TECPR1: variants seen among roughly 807,000 people sequenced by gnomAD.
TECPR1 encodes tectonin beta-propeller repeat containing 1.
A neutral mutation model predicts 162.4 loss-of-function variants in TECPR1; 122 were observed. The observed-to-expected ratio is 0.75, with a 90% CI of 0.65 to 0.87. The LOEUF (loss-of-function observed/expected upper bound fraction) is 0.87, where lower values mean the gene tolerates loss of function less well. Among genes scored for constraint, TECPR1 ranks in the 40% least tolerant of loss-of-function variants. TECPR1 has a pLI of 0.00. For missense variants in TECPR1, 1,432 were observed against 1,618.2 expected (o/e 0.88, Z 1.97); for synonymous variants, 642 against 670.6 (o/e 0.96, Z 0.66).
In TECPR1 at chr7:98,241,963, G is replaced by A. The variant is rs112539479; in HGVS notation, c.658-719C>T. On this transcript the variant is annotated intron_variant, in intron 6 of 25. Transcript: ENST00000447648. This position sits in a 1 kb window ranked among gnomAD's most constrained non-coding sequence, Gnocchi z 5.0. Reference sequence around the variant, plus strand: ...GTGCAGGCAGCACCAGCTCACGGCCGACATTCCAGGACACAAACGCTGCTC... The same window carrying A: ...GTGCAGGCAGCACCAGCTCACGGCCAACATTCCAGGACACAAACGCTGCTC... Among the ~76,000 whole-genome samples the A allele has an allele frequency of 3.3e-5, 5 of 152,186 alleles. No homozygotes were observed. Among genetic ancestry groups the A allele is most frequent in the Admixed American group, 1.3e-4 (2 of 15,290 alleles).
chr7:98,234,343 C>T (rs891120295), intron 10 of TECPR1, among the ~76,000 whole-genome samples: 1 of 152,092 alleles, frequency 6.6e-6, no homozygotes, highest in South Asian at 2.1e-4. Flanking sequence ...TTAGTAGAGA[C>T]GGGGTTTCAC....
Position 98,232,803 on chromosome 7 carries a change from A to C in TECPR1, c.1818+24T>G. 1 of 1,520,328 alleles carries C rather than the reference A, an allele frequency of 6.6e-7. No homozygotes were observed. The highest frequency in any genetic ancestry group is 8.8e-7 in the Non-Finnish European group (1 of 1,138,136). The allele number at this position is 1,520,328 out of a possible 1,614,324, so 94.2% of individuals were successfully genotyped here. A position where few individuals can be genotyped will look rare whatever the true frequency, so the allele number is the denominator to read the frequency against. Reference sequence around the variant, plus strand: ...ATTGCTGGAAAAAAAAAAAAAATGCATGCGCAGCCACCGGGGCACCCACCT... The same window carrying C: ...ATTGCTGGAAAAAAAAAAAAAATGCCTGCGCAGCCACCGGGGCACCCACCT... On this transcript the variant is annotated intron_variant, in intron 12 of 25. Transcript: ENST00000447648. This position sits in a 1 kb window ranked among gnomAD's most constrained non-coding sequence, Gnocchi z 4.6.
intron 3 of TECPR1, among the ~76,000 whole-genome samples, chr7:98,245,307 C>T (rs909512335): frequency 9.2e-5 from 14 of 152,360 alleles, no homozygotes; most frequent in Non-Finnish European, 1.6e-4. Context: ...TCCTGCCAGC[C>T]ACGGCGCTGT....
intron 21 of TECPR1, chr7:98,222,729 C>T (rs1185458803): frequency 1.2e-5 from 10 of 800,184 alleles, no homozygotes; most frequent in Middle Eastern, 3.0e-4. Context: ...AAAGCGCCCC[C>T]GTGGGCGTGT....
At position 98,245,049 on chromosome 7, in the gene TECPR1, C is replaced by T. The variant is rs201930546; in HGVS notation, c.244G>A (p.Gly82Ser). 2.6e-5 allele frequency: 42 copies of T among 1,592,398 alleles called. No homozygotes were observed. The highest frequency in any genetic ancestry group is 1.6e-4 in the African/African-American group (12 of 74,408). Reference sequence around the variant, plus strand: ...CTCAGCAGGAGCTTCTCACAGAAGCCGCCCATGGGATTCCAGCGCTGAGGG... The same window carrying T: ...CTCAGCAGGAGCTTCTCACAGAAGCTGCCCATGGGATTCCAGCGCTGAGGG... ...YENQRWNPMG[G>S]FCEKLLLSDR... Residue 82 changes from glycine to serine, a missense_variant, in exon 4 of 26, where the codon GGC (glycine) becomes AGC (serine). Gly to Ser is a moderately conservative substitution (Grantham distance 56). Coordinates refer to ENST00000447648, the MANE Select transcript of TECPR1 (RefSeq NM_015395.3).
Position 98,233,791 on chromosome 7 carries a change from T to C in TECPR1, c.1302A>G (p.Leu434=), listed in dbSNP as rs141227683. ...TCCCTGTGGCATTCTTGGAATCGTC[T>C]AGAGGTTCTGCAGGGAGAATCTGGC... is the stretch of plus-strand genomic sequence containing the variant. ...GPGQILPAEP[L]DDSKNATGNS... The change falls in exon 11 of 26, where the codon CTA becomes CTG. Residue 434 remains leucine (L), a synonymous_variant. Coordinates refer to ENST00000447648, the MANE Select transcript of TECPR1 (RefSeq NM_015395.3). 186 of 1,611,294 alleles carry C rather than the reference T, an allele frequency of 1.2e-4. 1 individual carries two copies. The African/African-American group carries it at 2.0e-3, about 18-fold the overall frequency.
chr7:98,238,531 AC>A lies in TECPR1; in HGVS notation c.1012del (p.Val338Ter). 1 of 1,568,952 alleles carries A rather than the reference AC, an allele frequency of 6.4e-7. No homozygotes were observed. The highest frequency in any genetic ancestry group is 8.6e-7 in the Non-Finnish European group (1 of 1,157,136). On this transcript the variant is annotated frameshift_variant, in exon 9 of 26. Coordinates refer to ENST00000447648, the MANE Select transcript of TECPR1 (RefSeq NM_015395.3). LOFTEE classifies it high-confidence loss of function. ...CACCTGGTCGTTCATTCCCACGTTC[AC>A]CATCGTCATCTCACCAACCATCTCA... is the stretch of plus-strand genomic sequence containing the variant. ...WIEMVGEMTM[V>X]NVGMNDQVWG...
chr7:98,236,351 A>C (rs1798600169), intron 10 of TECPR1, among the ~76,000 whole-genome samples: 1 of 152,188 alleles, frequency 6.6e-6, no homozygotes, highest in South Asian at 2.1e-4. Context: ...CAGGCTGGGC[A>C]GAGACCCTCT....
rs567278006 is a variant in TECPR1, at chr7:98,235,622, G to T, written c.1181+1154C>A. Among the ~76,000 whole-genome samples the T allele has an allele frequency of 2.7e-5, 4 of 150,864 alleles. No individual in the cohort carries two copies. The East Asian group carries it at 7.8e-4, about 29-fold the overall frequency. On this transcript the variant is annotated intron_variant, in intron 10 of 25. Transcript: ENST00000447648. ...GACAGAGGTGGGAGGGTCACTTGAGGTTAGGAGTTCAAGCCTAGCCAACAT... is the reference window on the plus strand; with the variant it reads ...GACAGAGGTGGGAGGGTCACTTGAGTTTAGGAGTTCAAGCCTAGCCAACAT...
intron 16 of TECPR1, 155 bp downstream of exon 16, chr7:98,228,884 G>C: frequency 1.8e-6 from 2 of 1,127,258 alleles, no homozygotes; most frequent in Non-Finnish European, 2.5e-6. Context: ...ACCATCCTGG[G>C]TGGAGGCTGG....
In TECPR1 at chr7:98,217,499, C is replaced by T. The variant is rs749805977; in HGVS notation, c.3389G>A (p.Gly1130Asp). Residue 1130 changes from glycine to aspartate, a missense_variant, in exon 26 of 26, where the codon GGC becomes GAC. Physicochemically the swap from Gly to Asp is moderately conservative, Grantham distance 94 (BLOSUM62 -1). Coordinates refer to ENST00000447648, the MANE Select transcript of TECPR1 (RefSeq NM_015395.3). ...GHGWDYGIGG[G>D]WDHISVRANA... ...GGCCCGGACAGAGATATGGTCCCAG[C>T]CTCCCTGGAAGGAGAGAGCTGTGTC... is the stretch of plus-strand genomic sequence containing the variant. 1 of 1,603,076 alleles carries T rather than the reference C, an allele frequency of 6.2e-7. No homozygotes were observed. The highest frequency in any genetic ancestry group is 1.1e-5 in the South Asian group (1 of 89,200).
rs745680159 is a variant in TECPR1 at position 98,231,855 on chromosome 7, GCCGTCGTGC to G, written c.1914_1922del (p.His639_Gly641del). On this transcript the variant is annotated inframe_deletion, in exon 13 of 26. Transcript: ENST00000447648. ...AGATGAAGAGGATGCTGTCCCGGACGCCGTCGTGCCCCGTGAACTGCTCCAGGGCCAAGC... is the reference window on the plus strand; with the variant it reads ...AGATGAAGAGGATGCTGTCCCGGACGCCCGTGAACTGCTCCAGGGCCAAGC... 1 of 1,612,726 alleles carries G rather than the reference GCCGTCGTGC, an allele frequency of 6.2e-7. No individual in the cohort carries two copies. The highest frequency in any genetic ancestry group is 8.5e-7 in the Non-Finnish European group (1 of 1,179,778).
At chr7:98,247,928 G>A (rs1437167141) in intron 2 of TECPR1, among the ~76,000 whole-genome samples, 1 of 152,078 alleles carries the variant, frequency 6.6e-6, no homozygotes, top group Non-Finnish European at 1.5e-5. Flanking sequence ...GTCTCGCTAT[G>A]TTGCCCAGGC....
chr7:98,236,694 G>A, intron 10 of TECPR1, 82 bp downstream of exon 10: 4 of 1,517,384 alleles, frequency 2.6e-6, no homozygotes, highest in East Asian at 2.5e-5. Context: ...GGGGCAGGTG[G>A]CAGCCTCTTC....
At position 98,232,735 on chromosome 7, in the gene TECPR1, CTGTT is replaced by C; in HGVS notation, c.1818+88_1818+91del. On this transcript the variant is annotated intron_variant, in intron 12 of 25. Transcript: ENST00000447648. The surrounding 1 kb of genome is among the most constrained non-coding windows in gnomAD (Gnocchi z 4.6). ...GAGACCAGGGGATGGAGGCATCTAT[CTGTT>C]TCTCTCAGAGCTGGTACACAGCAGG... is the stretch of plus-strand genomic sequence containing the variant. The C allele has an allele frequency of 7.1e-7, 1 of 1,414,712 alleles. No individual in the cohort carries two copies. Among genetic ancestry groups the C allele is most frequent in the Non-Finnish European group, 9.3e-7 (1 of 1,073,704 alleles). 87.6% of individuals were successfully genotyped at this position (1,414,712 alleles called of 1,614,324 possible).
intron 24 of TECPR1, 35 bp downstream of exon 24, chr7:98,217,901 A>T: frequency 6.5e-7 from 1 of 1,547,452 alleles, no homozygotes; most frequent in Non-Finnish European, 8.7e-7. Flanking sequence ...GAACCAGAGC[A>T]CCCCAAGTGC....
At position 98,223,698 on chromosome 7, in the gene TECPR1, G is replaced by A. The variant is rs567756951; in HGVS notation, c.2711C>T (p.Thr904Met). Residue 904 changes from threonine to methionine, a missense_variant, in exon 20 of 26, where the codon ACG (threonine) becomes ATG (methionine). Coordinates refer to ENST00000447648, the MANE Select transcript of TECPR1 (RefSeq NM_015395.3). ...DFPASYHGSK[T>M]MKDFVRRRCW... Reference sequence around the variant, plus strand: ...CCTCCTCCTCACAAAATCCTTCATCGTTTTGGACCCATGGTATGAGCTGCA... The same window carrying A: ...CCTCCTCCTCACAAAATCCTTCATCATTTTGGACCCATGGTATGAGCTGCA... 5.0e-6 allele frequency: 8 copies of A among 1,613,728 alleles called. No individual in the cohort carries two copies. Among genetic ancestry groups the A allele is most frequent in the East Asian group, 2.2e-5 (1 of 44,830 alleles).
intron 10 of TECPR1, among the ~76,000 whole-genome samples, chr7:98,236,554 T>C (rs1246826610): frequency 1.3e-5 from 2 of 150,666 alleles, no homozygotes; most frequent in African/African-American, 4.9e-5. Flanking sequence ...GTCAAACACC[T>C]CCAGTGGCCA....
chr7:98,217,378 T>C lies in TECPR1; in HGVS notation c.*12A>G, dbSNP rs1475876902. 1 of 1,507,228 alleles carries C rather than the reference T, an allele frequency of 6.6e-7. No individual in the cohort carries two copies. The highest frequency in any genetic ancestry group is 1.4e-5 in the African/African-American group (1 of 73,144). The allele number at this position is 1,507,228 out of a possible 1,614,324, so 93.4% of individuals were successfully genotyped here. On this transcript the variant is annotated 3_prime_UTR_variant, in exon 26 of 26. Coordinates refer to ENST00000447648, the MANE Select transcript of TECPR1 (RefSeq NM_015395.3). ...TGGGCACCGTCCCTGCATGTAGGTG[T>C]GTGGGGGGGCCTCAGCAGCAGACGG...
Sources: gnomAD v4.1 joint callset for allele counts (sites outside exome capture counted in the v4.1 genomes callset) on GRCh38, gnomAD v4.1.1 for gene constraint, Gnocchi (gnomAD v3.1) non-coding constraint, MANE v1.5 for transcripts, NCBI Gene and HGNC (gene_info 2026-07-23, HGNC 2026-07-21) for gene names.